FHIT: variants seen among roughly 807,000 people sequenced by gnomAD.
FHIT encodes the protein fragile histidine triad diadenosine triphosphatase.
Under a neutral mutation model 17.9 loss-of-function variants are expected in FHIT, and 19 were observed. That is an observed-to-expected ratio of 1.06 (90% CI 0.74 to 1.56). The LOEUF (loss-of-function observed/expected upper bound fraction) is 1.56. FHIT is among the 40% of genes most tolerant of loss of function. The pLI, the probability that FHIT is intolerant of heterozygous loss-of-function variation, is 0.00. For synonymous variants in FHIT, 81 were observed against 69.7 expected (o/e 1.16, Z -0.81); for missense variants, 248 against 189.2 (o/e 1.31, Z -1.82).
At chr3:60,150,918 CA>C (rs57120371) in intron 5 of FHIT, among the ~76,000 whole-genome samples, 254 of 122,866 alleles carry the variant, frequency 2.1e-3, no homozygotes, top group Admixed American at 2.6e-3. Flanking sequence ...GACTCCGCCT[CA>C]AAAAAAAAAA....
At chr3:59,961,165 A>G (rs1049142763) in intron 7 of FHIT, among the ~76,000 whole-genome samples, 6 of 152,156 alleles carry the variant, frequency 3.9e-5, no homozygotes, top group African/African-American at 1.2e-4. Context: ...AACACTAGCT[A>G]TTAGGGCCAT....
intron 5 of FHIT, among the ~76,000 whole-genome samples, chr3:60,339,848 T>A (rs1464866629): frequency 1.3e-5 from 2 of 152,196 alleles, no homozygotes; most frequent in African/African-American, 4.8e-5. Flanking sequence ...CTATGCACGC[T>A]CATTTTTAAT....
At position 60,572,863 on chromosome 3, in the gene FHIT, G is replaced by T. The variant is rs571079364; in HGVS notation, c.-17-35884C>A. On this transcript the variant is annotated intron_variant, in intron 4 of 9. Transcript: ENST00000492590. ...CCTGGGACCAGTTGGTCAGCAACTC[G>T]CAGAGTTCTTTAATCACCAACAACC... Among the ~76,000 whole-genome samples the T allele has an allele frequency of 7.9e-5, 12 of 152,246 alleles. No individual in the cohort carries two copies. The South Asian group carries it at 8.3e-4, about 11-fold the overall frequency.
Position 61,094,540 on chromosome 3 carries a change from T to C in FHIT, c.-163-52441A>G, listed in dbSNP as rs561589951. 5.3e-5 allele frequency among the ~76,000 whole-genome samples: 8 copies of C among 152,326 alleles called. No homozygotes were observed. In the South Asian group the frequency reaches 1.2e-3, roughly 24 times the overall value. Reference sequence around the variant, plus strand: ...CAGATGCTTCAAGATCCCCAGTGGATGCCTGAAACCAAACAGTACTATGTT... The same window carrying C: ...CAGATGCTTCAAGATCCCCAGTGGACGCCTGAAACCAAACAGTACTATGTT... On this transcript the variant is annotated intron_variant, in intron 2 of 9. Coordinates refer to ENST00000492590, the MANE Select transcript of FHIT (RefSeq NM_002012.4).
intron 2 of FHIT, among the ~76,000 whole-genome samples, chr3:61,092,607 G>A (rs1254567532): frequency 6.6e-6 from 1 of 151,974 alleles, no homozygotes; most frequent in Non-Finnish European, 1.5e-5. Context: ...AAGTTATTTA[G>A]TAGTAATCTG....
chr3:59,816,429 T>C (rs912024483), intron 8 of FHIT, among the ~76,000 whole-genome samples: 6 of 152,222 alleles, frequency 3.9e-5, no homozygotes, highest in Non-Finnish European at 1.5e-5. Flanking sequence ...ATTTCTTCCT[T>C]GGCATGATTG....
chr3:59,767,568 T>C (rs1190951740), intron 8 of FHIT, among the ~76,000 whole-genome samples: 1 of 152,192 alleles, frequency 6.6e-6, no homozygotes, highest in Non-Finnish European at 1.5e-5. Flanking sequence ...GGGAAATTTT[T>C]GCTCCCGGAA....
At chr3:60,169,984 G>A (rs1426507341) in intron 5 of FHIT, among the ~76,000 whole-genome samples, 1 of 152,188 alleles carries the variant, frequency 6.6e-6, no homozygotes, top group Non-Finnish European at 1.5e-5. Context: ...GACCTCTGCT[G>A]TTTTCGATGA....
intron 3 of FHIT, among the ~76,000 whole-genome samples, chr3:61,038,925 A>C (rs1237722022): frequency 6.6e-6 from 1 of 152,178 alleles, no homozygotes; most frequent in African/African-American, 2.4e-5. Flanking sequence ...GTGGGCCTTC[A>C]TAAGCCATGG....
intron 4 of FHIT, among the ~76,000 whole-genome samples, chr3:60,770,464 G>C (rs570967191): frequency 6.6e-6 from 1 of 152,060 alleles, no homozygotes; most frequent in Non-Finnish European, 1.5e-5. Flanking sequence ...GCAGGCATGC[G>C]GTCTGCCCTC....
At chr3:60,274,380 A>C (rs960706052) in intron 5 of FHIT, among the ~76,000 whole-genome samples, 1 of 152,174 alleles carries the variant, frequency 6.6e-6, no homozygotes, top group Non-Finnish European at 1.5e-5. Context: ...CATATCAGTC[A>C]CTCAATAAAT....
chr3:60,379,172 A>T (rs762603525), intron 5 of FHIT, among the ~76,000 whole-genome samples: 4 of 152,236 alleles, frequency 2.6e-5, no homozygotes, highest in Non-Finnish European at 5.9e-5. Flanking sequence ...AGATTTTATC[A>T]TAATATCAAT....
intron 1 of FHIT, chr3:61,243,882 T>C (rs1290487124): frequency 2.6e-5 from 4 of 152,056 alleles, no homozygotes; most frequent in Non-Finnish European, 4.4e-5. Flanking sequence ...TAGTGCAAAA[T>C]TTATAGTTAG....
chr3:60,126,530 A>G (rs1170589448), intron 5 of FHIT, among the ~76,000 whole-genome samples: 4 of 152,220 alleles, frequency 2.6e-5, no homozygotes, highest in Admixed American at 2.0e-4. Flanking sequence ...TACAAGCTCT[A>G]TAGAAGTTGT....
intron 5 of FHIT, among the ~76,000 whole-genome samples, chr3:60,443,419 C>T (rs936105444): frequency 9.2e-5 from 14 of 152,042 alleles, no homozygotes; most frequent in Admixed American, 1.3e-4. Context: ...TTGTCATAAA[C>T]AGCTTTTATT....
chr3:60,983,134 CTT>C (rs1491570820), intron 3 of FHIT, among the ~76,000 whole-genome samples: 3 of 117,818 alleles, frequency 2.5e-5, no homozygotes, highest in Admixed American at 8.2e-5. Context: ...TACCTTCTCT[CTT>C]GTGTGTGTGT....
chr3:60,017,283 A>G (rs938802494), intron 5 of FHIT, among the ~76,000 whole-genome samples: 1 of 152,202 alleles, frequency 6.6e-6, no homozygotes, highest in Non-Finnish European at 1.5e-5. Context: ...CAATCCCACA[A>G]TGAAAGGAGG....
intron 5 of FHIT, among the ~76,000 whole-genome samples, chr3:60,266,019 G>C (rs554710415): frequency 2.8e-3 from 423 of 151,832 alleles, no homozygotes; most frequent in African/African-American, 9.3e-3. Flanking sequence ...ATATATAAAG[G>C]TATATATATT....
At chr3:60,825,584 C>G (rs191571958) in intron 3 of FHIT, among the ~76,000 whole-genome samples, 2 of 152,268 alleles carry the variant, frequency 1.3e-5, no homozygotes. Context: ...CTGAGCTCCA[C>G]CTCCTGTCAG....
Sources: gnomAD v4.1 joint callset for allele counts (sites outside exome capture counted in the v4.1 genomes callset) on GRCh38, gnomAD v4.1.1 for gene constraint, MANE v1.5 for transcripts, NCBI Gene and HGNC (gene_info 2026-07-23, HGNC 2026-07-21) for gene names.